ITFG1: variants seen among roughly 807,000 people sequenced by gnomAD.
The protein encoded by ITFG1 is integrin alpha FG-GAP repeat containing 1, also known as T-cell immunomodulatory protein.
In ITFG1, 34 loss-of-function variants were observed where a neutral mutation model predicts 81.8. The ratio of observed to expected loss-of-function variants is 0.42; its 90% CI spans 0.32 to 0.55. The LOEUF (loss-of-function observed/expected upper bound fraction) is 0.55. Among genes scored for constraint, ITFG1 ranks in the 20% least tolerant of loss-of-function variants. The pLI is 0.17. For missense variants in ITFG1, 672 were observed against 755.4 expected, an observed-to-expected ratio of 0.89 and a Z score of 1.29; for synonymous variants, 285 against 270.6, an observed-to-expected ratio of 1.05 and a Z score of -0.52.
At chr16:47,156,018 G>C (rs1964698653) in intron 17 of ITFG1, among the ~76,000 whole-genome samples, 1 of 151,838 alleles carries the variant, frequency 6.6e-6, no homozygotes, top group African/African-American at 2.4e-5. Flanking sequence ...AAATACTTAG[G>C]GTCCTTAAAT....
rs1040047696 is a variant in ITFG1, at chr16:47,366,758, T to A, written c.721-889A>T. ...ACATACTGTATACAGGATATCTGTA[T>A]ACTTTAAAATGAGTTTTTCCTTCTT... is the stretch of plus-strand genomic sequence containing the variant. On this transcript the variant is annotated intron_variant, in intron 7 of 17. Transcript: ENST00000320640. 2.6e-5 allele frequency among the ~76,000 whole-genome samples: 4 copies of A among 152,202 alleles called. No individual in the cohort carries two copies. In the South Asian group the frequency reaches 8.3e-4, roughly 31 times the overall value.
chr16:47,343,470 A>G (rs939843114), intron 8 of ITFG1, among the ~76,000 whole-genome samples: 1 of 152,158 alleles, frequency 6.6e-6, no homozygotes, highest in Non-Finnish European at 1.5e-5. Flanking sequence ...AAAGGATTTA[A>G]TATGTAGAAT....
chr16:47,357,947 A>G (rs553598762), intron 8 of ITFG1, among the ~76,000 whole-genome samples: 1 of 152,336 alleles, frequency 6.6e-6, no homozygotes, highest in Non-Finnish European at 1.5e-5. Flanking sequence ...TCTGGCATCC[A>G]TGACTCACCA....
At chr16:47,222,604 G>A (rs1366259109) in intron 13 of ITFG1, among the ~76,000 whole-genome samples, 7 of 151,926 alleles carry the variant, frequency 4.6e-5, no homozygotes, top group African/African-American at 1.7e-4. Context: ...TAGTAGAGAC[G>A]GGGTTTCACC....
At chr16:47,392,038 GAAAAAT>G in intron 6 of ITFG1, among the ~76,000 whole-genome samples, 1 of 152,222 alleles carries the variant, frequency 6.6e-6, no homozygotes, top group Admixed American at 6.5e-5. Flanking sequence ...ACACTAAAGA[GAAAAAT>G]AAAGATAAGA....
At chr16:47,446,885 T>C (rs997985407) in intron 5 of ITFG1, among the ~76,000 whole-genome samples, 1 of 151,548 alleles carries the variant, frequency 6.6e-6, no homozygotes, top group Non-Finnish European at 1.5e-5. Flanking sequence ...TTTTTTGAGA[T>C]AGCGTCTCAC....
At chr16:47,279,750 C>T (rs958616379) in intron 10 of ITFG1, among the ~76,000 whole-genome samples, 2 of 152,142 alleles carry the variant, frequency 1.3e-5, no homozygotes, top group African/African-American at 2.4e-5. Context: ...TTGAGTCTTC[C>T]AGTGCCTGAA....
Position 47,459,150 on chromosome 16 carries a change from T to C in ITFG1, c.234A>G (p.Ala78=), listed in dbSNP as rs1422782290. Residue 78 remains alanine, a synonymous_variant, in exon 2 of 18, where the codon GCA becomes GCG. Coordinates refer to ENST00000320640, the MANE Select transcript of ITFG1 (RefSeq NM_030790.5). Reference sequence around the variant, plus strand: ...GTTTAAAATAGGGTGCATTCTGGTCTGCCAAAAAGACGATTAAGTCATTTC... The same window carrying C: ...GTTTAAAATAGGGTGCATTCTGGTCCGCCAAAAAGACGATTAAGTCATTTC... ...RERNDLIVFL[A]DQNAPYFKPK... 1.9e-6 allele frequency: 3 copies of C among 1,601,126 alleles called. 1 individual carries two copies. The highest frequency in any genetic ancestry group is 2.2e-5 in the South Asian group (2 of 90,764).
intron 6 of ITFG1, among the ~76,000 whole-genome samples, chr16:47,389,631 A>G (rs1173951198): frequency 6.6e-6 from 1 of 152,230 alleles, no homozygotes; most frequent in Non-Finnish European, 1.5e-5. Context: ...TTTGTAACAT[A>G]TATAGATGTA....
chr16:47,329,841 C>T (rs1020548906), intron 8 of ITFG1, among the ~76,000 whole-genome samples: 2 of 152,092 alleles, frequency 1.3e-5, no homozygotes, highest in African/African-American at 4.8e-5. Flanking sequence ...GTCGAGAGCC[C>T]ATATTCTCGT....
chr16:47,440,475 T>TAACA (rs1370472778), intron 5 of ITFG1, among the ~76,000 whole-genome samples: 2 of 152,172 alleles, frequency 1.3e-5, no homozygotes, highest in African/African-American at 4.8e-5. Context: ...ACAGACATTA[T>TAACA]AACAAACTGT....
chr16:47,261,450 A>G (rs1567439016), intron 10 of ITFG1, among the ~76,000 whole-genome samples: 9 of 152,216 alleles, frequency 5.9e-5, no homozygotes, highest in Non-Finnish European at 1.5e-5. Context: ...GTACTCAATG[A>G]AAGTGTTTAT....
chr16:47,299,176 A>T (rs1195101703), intron 10 of ITFG1, among the ~76,000 whole-genome samples: 1 of 152,190 alleles, frequency 6.6e-6, no homozygotes, highest in East Asian at 1.9e-4. Flanking sequence ...CGGTTAGGTT[A>T]GACAATGCTG....
At chr16:47,356,554 G>C (rs1403278365) in intron 8 of ITFG1, among the ~76,000 whole-genome samples, 1 of 152,160 alleles carries the variant, frequency 6.6e-6, no homozygotes, top group Non-Finnish European at 1.5e-5. Flanking sequence ...GAGAGTCGGA[G>C]GGAATGGATT....
At chr16:47,420,991 CTTA>C (rs1192925075) in intron 6 of ITFG1, among the ~76,000 whole-genome samples, 1 of 151,978 alleles carries the variant, frequency 6.6e-6, no homozygotes, top group Non-Finnish European at 1.5e-5. Context: ...AATTGTTCTC[CTTA>C]TTATTATATA....
intron 8 of ITFG1, among the ~76,000 whole-genome samples, chr16:47,323,943 C>T (rs1222663954): frequency 1.2e-4 from 18 of 152,138 alleles, no homozygotes; most frequent in Admixed American, 1.0e-3. Context: ...CCCTAAAACT[C>T]TATGGCTATT....
chr16:47,284,700 G>T (rs1966863272), intron 10 of ITFG1, among the ~76,000 whole-genome samples: 1 of 152,162 alleles, frequency 6.6e-6, no homozygotes, highest in Admixed American at 6.6e-5. Context: ...AGAGTCAAGA[G>T]AAGAATGAAT....
In ITFG1 at chr16:47,158,947, G is replaced by A. The variant is rs779454377; in HGVS notation, c.1705C>T (p.Leu569Phe). 2.3e-5 allele frequency: 37 copies of A among 1,600,366 alleles called. No homozygotes were observed. In the Admixed American group the frequency reaches 4.8e-4, roughly 21 times the overall value. Residue 569 changes from leucine (L) to phenylalanine (F), a missense_variant, in exon 17 of 18, where the codon CTT (leucine) becomes TTT (phenylalanine). Transcript: ENST00000320640. ...ACACCGATGAGAGCTATAGCAGTAAGCAGAACAATATTACTTGGTGTAAGA... is the reference window on the plus strand; with the variant it reads ...ACACCGATGAGAGCTATAGCAGTAAACAGAACAATATTACTTGGTGTAAGA... Reference protein sequence around the residue: ...LYLTPSNIVLLTAIALIGVCV... With the variant: ...LYLTPSNIVLFTAIALIGVCV...
intron 7 of ITFG1, among the ~76,000 whole-genome samples, chr16:47,367,157 G>C (rs1378162133): frequency 6.6e-6 from 1 of 152,234 alleles, no homozygotes; most frequent in Non-Finnish European, 1.5e-5. Context: ...AAAGGATACA[G>C]ATGAAGAGAT....
Sources: allele counts gnomAD v4.1 joint callset (sites outside exome capture counted in the v4.1 genomes callset), GRCh38; gene constraint gnomAD v4.1.1; transcripts MANE v1.5; gene names NCBI Gene and HGNC (gene_info 2026-07-23, HGNC 2026-07-21).